EEF1A2: variants seen among roughly 807,000 people sequenced by gnomAD.
EEF1A2 encodes eukaryotic translation elongation factor 1 alpha 2.
A neutral mutation model predicts 39.3 loss-of-function variants in EEF1A2; 5 were observed. That is an observed-to-expected ratio of 0.13 (90% CI 0.07 to 0.27). The LOEUF is 0.27. Among genes scored for constraint, EEF1A2 ranks in the 10% least tolerant of loss-of-function variants. EEF1A2 has a pLI of 1.00. For synonymous variants in EEF1A2, 287 were observed against 293.7 expected, an observed-to-expected ratio of 0.98 and a Z score of 0.23; for missense variants, 218 against 681.4, an observed-to-expected ratio of 0.32 and a Z score of 7.57.
At chr20:63,496,193 C>T (rs549872030) in intron 2 of EEF1A2, 158 bp from the exon 3 acceptor site, 136 of 860,294 alleles carry the variant, frequency 1.6e-4, no homozygotes, top group African/African-American at 1.5e-3. Context: ...CGGCCCCCTC[C>T]GTCGGGACCC....
At position 63,497,998 on chromosome 20, in the gene EEF1A2, G is replaced by T; in HGVS notation, c.-71-164C>A. 1.9e-6 allele frequency: 1 copy of T among 522,014 alleles called. No individual in the cohort carries two copies. Among genetic ancestry groups the T allele is most frequent in the Non-Finnish European group, 3.3e-6 (1 of 298,792 alleles). The allele number at this position is 522,014 out of a possible 1,614,324, so 32.3% of individuals were successfully genotyped here. A position where few individuals can be genotyped will look rare whatever the true frequency, so the allele number is the denominator to read the frequency against. On this transcript the variant is annotated intron_variant, in intron 1 of 7. Transcript: ENST00000217182. This position sits in a 1 kb window ranked among gnomAD's most constrained non-coding sequence, Gnocchi z 7.3. Reference sequence around the variant, plus strand: ...CCCCACCCACAGCTGGGCCTGGCCAGGGCAAGCAGAGGCTGTGCACTGCCC... The same window carrying T: ...CCCCACCCACAGCTGGGCCTGGCCATGGCAAGCAGAGGCTGTGCACTGCCC...
chr20:63,490,818 C>A, intron 5 of EEF1A2, 83 bp from the exon 6 acceptor site: 1 of 1,487,450 alleles, frequency 6.7e-7, no homozygotes, highest in Non-Finnish European at 9.0e-7. Flanking sequence ...GCCTGGAAAC[C>A]AACAAAGCCT....
At chr20:63,495,168 C>A in intron 3 of EEF1A2, 67 bp from the exon 4 acceptor site, 1 of 1,561,510 alleles carries the variant, frequency 6.4e-7, no homozygotes, top group Non-Finnish European at 8.6e-7. Flanking sequence ...GAGCCTGGCC[C>A]CACCTCACTT....
rs764247701 is a variant in EEF1A2 at position 63,488,347 on chromosome 20, G to GCGCCGC, written c.1337_1342dup (p.Gly446_Gly447dup). ...CTGCGCCGACTTGGTGACCTTGCCGGCGCCGCCGCTCTTCTTCTCCACGTT... is the reference window on the plus strand; with the variant it reads ...CTGCGCCGACTTGGTGACCTTGCCGGCGCCGCCGCCGCCGCTCTTCTTCTCCACGTT... On this transcript the variant is annotated inframe_insertion, in exon 8 of 8. Transcript: ENST00000217182. 6.8e-7 allele frequency: 1 copy of GCGCCGC among 1,469,806 alleles called. No individual in the cohort carries two copies. The highest frequency in any genetic ancestry group is 9.0e-7 in the Non-Finnish European group (1 of 1,111,338). 91.0% of individuals were successfully genotyped at this position (1,469,806 alleles called of 1,614,324 possible).
chr20:63,493,364 C>A, intron 4 of EEF1A2, 77 bp from the exon 5 acceptor site: 1 of 1,431,742 alleles, frequency 7.0e-7, no homozygotes. Context: ...CAGGGTGCTT[C>A]CAGGAGTACT....
intron 6 of EEF1A2, chr20:63,490,214 G>A (rs538729380): frequency 3.5e-5 from 13 of 372,630 alleles, no homozygotes; most frequent in African/African-American, 8.0e-5. Flanking sequence ...CTACAGGCAC[G>A]TGCCACCACG....
At chr20:63,491,042 T>C (rs1460026112) in intron 5 of EEF1A2, among the ~76,000 whole-genome samples, 2 of 152,204 alleles carry the variant, frequency 1.3e-5, no homozygotes, top group African/African-American at 4.8e-5. Flanking sequence ...AGAGAGGGGC[T>C]GTCTGAACCT....
At chr20:63,491,081 C>A (rs999949445) in intron 5 of EEF1A2, among the ~76,000 whole-genome samples, 1 of 152,218 alleles carries the variant, frequency 6.6e-6, no homozygotes, top group South Asian at 2.1e-4. Flanking sequence ...CCGGAGAGCA[C>A]TTTCCCTCAA....
rs567060091 is a variant in EEF1A2 at position 63,495,262 on chromosome 20, G to A, written c.325-161C>T. ...GAGGCATGGGGGTCCCCACTTCAAGGGCAGCATGGGGGCTCATCGCCAGGC... is the reference window on the plus strand; with the variant it reads ...GAGGCATGGGGGTCCCCACTTCAAGAGCAGCATGGGGGCTCATCGCCAGGC... On this transcript the variant is annotated intron_variant, in intron 3 of 7. Transcript: ENST00000217182. Among the ~76,000 whole-genome samples, 9 of 152,328 alleles carry A rather than the reference G, an allele frequency of 5.9e-5. No homozygotes were observed. The South Asian group carries it at 1.5e-3, about 25-fold the overall frequency.
At position 63,494,750 on chromosome 20, in the gene EEF1A2, G is replaced by A. The variant is rs2082408689; in HGVS notation, c.621+55C>T. 8.9e-6 allele frequency: 14 copies of A among 1,564,648 alleles called. No homozygotes were observed. The South Asian group carries it at 1.4e-4, about 16-fold the overall frequency. On this transcript the variant is annotated intron_variant, in intron 4 of 7. Coordinates refer to ENST00000217182, the MANE Select transcript of EEF1A2 (RefSeq NM_001958.5). ...GTGCCACCTGCCGGTGCCTCGCTCT[G>A]GGCCAGGGGGTCCAGCCAGCTCCCG... is the stretch of plus-strand genomic sequence containing the variant.
intron 2 of EEF1A2, chr20:63,496,262 C>T: frequency 3.5e-6 from 2 of 579,682 alleles, no homozygotes; most frequent in Non-Finnish European, 6.1e-6. Context: ...ATGGGCGCGG[C>T]TACGCAGGTC....
chr20:63,494,955 G>A lies in EEF1A2; in HGVS notation c.471C>T (p.Ser157=). The part of the protein sequence containing the change: ...QLIVGVNKMD[S]TEPAYSEKRY... The stretch of plus-strand genomic sequence containing the variant: ...GCTTCTCGCTGTAGGCCGGCTCTGT[G>A]GAGTCCATTTTGTTCACGCCCACGA... The change falls in exon 4 of 8, where the codon TCC becomes TCT. Residue 157 remains serine, a synonymous_variant. Coordinates refer to ENST00000217182, the MANE Select transcript of EEF1A2 (RefSeq NM_001958.5). The A allele has an allele frequency of 6.2e-7, 1 of 1,612,818 alleles. No homozygotes were observed. The highest frequency in any genetic ancestry group is 8.5e-7 in the Non-Finnish European group (1 of 1,179,980).
At chr20:63,491,986 A>G in intron 5 of EEF1A2, among the ~76,000 whole-genome samples, 3 of 118,222 alleles carry the variant, frequency 2.5e-5, no homozygotes, top group Non-Finnish European at 5.1e-5. Context: ...GGATGGATGG[A>G]TGGATGGATG....
chr20:63,494,030 G>A (rs1368040737), intron 4 of EEF1A2, among the ~76,000 whole-genome samples: 2 of 152,226 alleles, frequency 1.3e-5, no homozygotes, highest in African/African-American at 2.4e-5. Context: ...AGATGGAGGC[G>A]GAGCTGGGGG....
intron 6 of EEF1A2, among the ~76,000 whole-genome samples, chr20:63,489,700 T>C (rs1392288098): frequency 6.6e-6 from 1 of 152,194 alleles, no homozygotes; most frequent in East Asian, 1.9e-4. Flanking sequence ...GGAGAATCAC[T>C]TGAACCCGGG....
At position 63,495,818 on chromosome 20, in the gene EEF1A2, G is replaced by A. The variant is rs537965609; in HGVS notation, c.324+38C>T. On this transcript the variant is annotated intron_variant, in intron 3 of 7. Coordinates refer to ENST00000217182, the MANE Select transcript of EEF1A2 (RefSeq NM_001958.5). ...CCCAGTGTCCCTTGAAGGGTGCAGC[G>A]GCCTCTCCCCCAGCCCCGCCTGCTG... The A allele has an allele frequency of 9.3e-5, 150 of 1,606,422 alleles. 2 individuals carry two copies. Among genetic ancestry groups the A allele is most frequent in the South Asian group, 9.1e-4 (82 of 90,182 alleles).
At chr20:63,494,083 G>A (rs1187675155) in intron 4 of EEF1A2, among the ~76,000 whole-genome samples, 1 of 152,244 alleles carries the variant, frequency 6.6e-6, no homozygotes, top group Non-Finnish European at 1.5e-5. Context: ...TCCAGGCTCA[G>A]TGCTGCTGGT....
chr20:63,490,782 G>C (rs776577400), intron 5 of EEF1A2, 47 bp from the exon 6 acceptor site: 1 of 1,564,032 alleles, frequency 6.4e-7, no homozygotes, highest in African/African-American at 1.3e-5. Flanking sequence ...CCGAGGGGAT[G>C]CTGGGGCAGG....
Position 63,498,960 on chromosome 20 carries a change from C to G in EEF1A2, c.-72+98G>C, listed in dbSNP as rs2145948032. 6.8e-6 allele frequency: 1 copy of G among 147,960 alleles called. No homozygotes were observed. The highest frequency in any genetic ancestry group is 2.1e-4 in the South Asian group (1 of 4,744). The allele number at this position is 147,960 out of a possible 1,614,324, so 9.2% of individuals were successfully genotyped here. A position where few individuals can be genotyped will look rare whatever the true frequency, so the allele number is the denominator to read the frequency against. On this transcript the variant is annotated intron_variant, in intron 1 of 7. Coordinates refer to ENST00000217182, the MANE Select transcript of EEF1A2 (RefSeq NM_001958.5). The surrounding 1 kb of genome is among the most constrained non-coding windows in gnomAD (Gnocchi z 4.1). ...CTCCGGGCGCGCGCGGGGGCGGGTG[C>G]GGGGCCCGGCCACCCTCTGCCCCCC...
Sources: allele counts gnomAD v4.1 joint callset (sites outside exome capture counted in the v4.1 genomes callset), GRCh38; gene constraint gnomAD v4.1.1; non-coding constraint Gnocchi (gnomAD v3.1); transcripts MANE v1.5; gene names NCBI Gene and HGNC (gene_info 2026-07-23, HGNC 2026-07-21).